Variants in PRKCA observed in about 807,000 individuals in gnomAD.
PRKCA encodes protein kinase C alpha, also known as protein kinase C alpha type.
Under a neutral mutation model 87.0 loss-of-function variants are expected in PRKCA, and 27 were observed. The observed-to-expected ratio is 0.31, with a 90% CI of 0.23 to 0.43. The LOEUF is 0.43. Among genes scored for constraint, PRKCA ranks in the 20% least tolerant of loss-of-function variants. The pLI is 1.00. For missense variants in PRKCA, 518 were observed against 852.3 expected, an observed-to-expected ratio of 0.61 and a Z score of 4.88; for synonymous variants, 329 against 311.1, an observed-to-expected ratio of 1.06 and a Z score of -0.61.
rs548780289 is a variant in PRKCA at position 66,684,187 on chromosome 17, C to A, written c.530-2924C>A. On this transcript the variant is annotated intron_variant, in intron 5 of 16. Transcript: ENST00000413366. ...CTGCACATCTAAGATTGTTCTCCACCAGTAACTTGTATTAAGAGCAATTAT... is the reference window on the plus strand; with the variant it reads ...CTGCACATCTAAGATTGTTCTCCACAAGTAACTTGTATTAAGAGCAATTAT... Among the ~76,000 whole-genome samples, 78 of 152,370 alleles carry A rather than the reference C, an allele frequency of 5.1e-4. 1 individual carries two copies. The highest frequency in any genetic ancestry group is 1.8e-3 in the African/African-American group (76 of 41,594).
chr17:66,680,565 A>C (rs183108704), intron 5 of PRKCA, among the ~76,000 whole-genome samples: 1 of 152,232 alleles, frequency 6.6e-6, no homozygotes, highest in Non-Finnish European at 1.5e-5. Context: ...ACTTTTATGC[A>C]TTACTAAACA....
At chr17:66,460,667 T>A (rs1345383846) in intron 2 of PRKCA, among the ~76,000 whole-genome samples, 1 of 152,138 alleles carries the variant, frequency 6.6e-6, no homozygotes, top group Non-Finnish European at 1.5e-5. Context: ...TGTTGCTGGG[T>A]TTTGTGCCAA....
At chr17:66,660,412 G>C (rs191802450) in intron 5 of PRKCA, among the ~76,000 whole-genome samples, 1 of 152,214 alleles carries the variant, frequency 6.6e-6, no homozygotes, top group East Asian at 1.9e-4. Context: ...TAATTCTCAA[G>C]GCTACCTAGG....
At chr17:66,687,061 A>C (rs1480771434) in intron 5 of PRKCA, 50 bp from the exon 6 acceptor site, 2 of 1,504,190 alleles carry the variant, frequency 1.3e-6, no homozygotes, top group Non-Finnish European at 1.8e-6. Flanking sequence ...ACAGCGGGCA[A>C]TATAGGTCTG....
At chr17:66,346,149 G>T (rs1213721262) in intron 2 of PRKCA, among the ~76,000 whole-genome samples, 1 of 148,872 alleles carries the variant, frequency 6.7e-6, no homozygotes, top group Non-Finnish European at 1.5e-5. Context: ...GCTGGAGTGC[G>T]CACGTGGCAC....
In PRKCA at chr17:66,385,786, C is replaced by T. The variant is rs116692649; in HGVS notation, c.205+79659C>T. Among the ~76,000 whole-genome samples, 1,046 of 152,166 alleles carry T rather than the reference C, an allele frequency of 6.9e-3. 14 individuals carry two copies. Among genetic ancestry groups the T allele is most frequent in the African/African-American group, 0.024 (1,006 of 41,544 alleles). ...GGGCACAATTATTTTTTTTCCGAGA[C>T]GGCATCTTGCTGTGTTGCCTAGGCT... On this transcript the variant is annotated intron_variant, in intron 2 of 16. Coordinates refer to ENST00000413366, the MANE Select transcript of PRKCA (RefSeq NM_002737.3).
intron 3 of PRKCA, among the ~76,000 whole-genome samples, chr17:66,516,552 G>A (rs1207482866): frequency 2.6e-5 from 4 of 151,970 alleles, no homozygotes; most frequent in Admixed American, 2.6e-4. Flanking sequence ...AGAATCACTT[G>A]AACCTGGGAG....
At chr17:66,468,970 C>T (rs899026652) in intron 2 of PRKCA, among the ~76,000 whole-genome samples, 1 of 152,204 alleles carries the variant, frequency 6.6e-6, no homozygotes, top group East Asian at 1.9e-4. Context: ...CCACCACTTT[C>T]AACTGTAGAC....
intron 2 of PRKCA, among the ~76,000 whole-genome samples, chr17:66,421,424 C>T (rs1470415135): frequency 1.1e-5 from 1 of 89,670 alleles, no homozygotes; most frequent in African/African-American, 3.9e-5. Flanking sequence ...CAGCCACAGC[C>T]TCTGTTTTTT....
intron 5 of PRKCA, among the ~76,000 whole-genome samples, chr17:66,674,073 G>A (rs1318377751): frequency 2.0e-5 from 3 of 152,166 alleles, no homozygotes; most frequent in East Asian, 1.9e-4. Context: ...TTAGCATTCC[G>A]GTCATTCAGC....
intron 16 of PRKCA, among the ~76,000 whole-genome samples, chr17:66,797,312 G>A (rs780920929): frequency 6.6e-6 from 1 of 152,176 alleles, no homozygotes; most frequent in African/African-American, 2.4e-5. Context: ...TTCATGTTTT[G>A]TAACATCTTT....
rs1567917092 is a variant in PRKCA at position 66,587,817 on chromosome 17, GTATACATATATACGTATA to G, written c.289-53536_289-53519del. ...TATATACGTATATGTGTGTGTATAT[GTATACATATATACGTATA>G]TGTGTGTATCTACATATACATATAT... is the stretch of plus-strand genomic sequence containing the variant. On this transcript the variant is annotated intron_variant, in intron 3 of 16. Transcript: ENST00000413366. Among the ~76,000 whole-genome samples the G allele has an allele frequency of 1.9e-4, 21 of 111,934 alleles. 4 individuals carry two copies. The highest frequency in any genetic ancestry group is 5.4e-4 in the African/African-American group (17 of 31,642). The allele number at this position is 111,934 out of a possible 152,430, so 73.4% of individuals were successfully genotyped here. A position where few individuals can be genotyped will look rare whatever the true frequency, so the allele number is the denominator to read the frequency against.
intron 3 of PRKCA, among the ~76,000 whole-genome samples, chr17:66,547,487 A>G (rs114529958): frequency 6.6e-6 from 1 of 152,132 alleles, no homozygotes; most frequent in African/African-American, 2.4e-5. Context: ...TGTACACTAA[A>G]TGAAGTTATC....
chr17:66,730,252 A>C (rs1973852805), intron 8 of PRKCA, among the ~76,000 whole-genome samples: 1 of 152,230 alleles, frequency 6.6e-6, no homozygotes. Flanking sequence ...TGGCAGTGTC[A>C]CAGGGTGAAC....
chr17:66,727,490 T>C (rs1339670279), intron 8 of PRKCA, among the ~76,000 whole-genome samples: 2 of 152,140 alleles, frequency 1.3e-5, no homozygotes, highest in Non-Finnish European at 2.9e-5. Context: ...CAGGTGAAAC[T>C]GGGTCAAATC....
At chr17:66,319,668 G>T (rs549318707) in intron 2 of PRKCA, among the ~76,000 whole-genome samples, 4 of 152,062 alleles carry the variant, frequency 2.6e-5, no homozygotes, top group African/African-American at 9.6e-5. Context: ...ATGACATTGG[G>T]TTTTAATATT....
intron 2 of PRKCA, among the ~76,000 whole-genome samples, chr17:66,457,535 C>T (rs1367755809): frequency 6.6e-6 from 1 of 151,990 alleles, no homozygotes; most frequent in African/African-American, 2.4e-5. Flanking sequence ...TGGCTGTGTC[C>T]CCACCCAAAT....
intron 3 of PRKCA, among the ~76,000 whole-genome samples, chr17:66,639,912 T>C (rs531334503): frequency 6.6e-6 from 1 of 152,168 alleles, no homozygotes; most frequent in East Asian, 2.0e-4. Flanking sequence ...GGAGAATCGC[T>C]TGAACCTGGG....
chr17:66,413,196 C>G (rs1297068506), intron 2 of PRKCA, among the ~76,000 whole-genome samples: 5 of 152,190 alleles, frequency 3.3e-5, no homozygotes, highest in African/African-American at 7.2e-5. Flanking sequence ...TCCCATCACC[C>G]CTTCTCAGGC....
Sources: allele counts gnomAD v4.1 joint callset (sites outside exome capture counted in the v4.1 genomes callset), GRCh38; gene constraint gnomAD v4.1.1; transcripts MANE v1.5; gene names NCBI Gene and HGNC (gene_info 2026-07-23, HGNC 2026-07-21).